Variants in CLEC4A observed in about 807,000 individuals in gnomAD.
CLEC4A encodes C-type lectin domain family 4 member A.
Under a neutral mutation model 32.7 loss-of-function variants are expected in CLEC4A, and 27 were observed. That is an observed-to-expected ratio of 0.83 (90% CI 0.61 to 1.14). CLEC4A has a LOEUF of 1.14. Ranked by LOEUF, CLEC4A falls within the 50% of genes most tolerant of loss-of-function variation. CLEC4A has a pLI of 0.00. For missense variants in CLEC4A, 253 were observed against 274.6 expected (o/e 0.92, Z 0.55); for synonymous variants, 89 against 93.7 (o/e 0.95, Z 0.29).
In CLEC4A at chr12:8,131,043, T is replaced by C. The variant is rs953861718; in HGVS notation, c.298+1681T>C. On this transcript the variant is annotated intron_variant, in intron 3 of 5. Transcript: ENST00000229332. ...TGAGCAATACTGGTCAGGTATATTA[T>C]AGAATGTCCATCTATCAGAATTTGT... Among the ~76,000 whole-genome samples the C allele has an allele frequency of 3.9e-5, 6 of 152,236 alleles. No homozygotes were observed. In the East Asian group the frequency reaches 7.7e-4, roughly 20 times the overall value.
At chr12:8,132,482 T>C (rs1200070210) in intron 3 of CLEC4A, among the ~76,000 whole-genome samples, 1 of 152,236 alleles carries the variant, frequency 6.6e-6, no homozygotes, top group African/African-American at 2.4e-5. Flanking sequence ...TAATTTCTGG[T>C]TTCTTTTCAC....
At chr12:8,125,412 C>T in intron 1 of CLEC4A, 149 bp from the exon 2 acceptor site, 3 of 554,816 alleles carry the variant, frequency 5.4e-6, no homozygotes, top group South Asian at 2.6e-5. Context: ...ATTATTATAT[C>T]CTTTCTATTC....
intron 2 of CLEC4A, among the ~76,000 whole-genome samples, chr12:8,127,909 G>A (rs1249465312): frequency 6.6e-6 from 1 of 152,172 alleles, no homozygotes; most frequent in Non-Finnish European, 1.5e-5. Flanking sequence ...GGTGATTTAA[G>A]TTTTGGGCAT....
At chr12:8,131,142 T>G (rs1022814730) in intron 3 of CLEC4A, among the ~76,000 whole-genome samples, 5 of 152,232 alleles carry the variant, frequency 3.3e-5, no homozygotes, top group Non-Finnish European at 5.9e-5. Context: ...AATGCTATTT[T>G]CATTACATCA....
chr12:8,135,532 C>T, intron 3 of CLEC4A, 53 bp from the exon 4 acceptor site: 1 of 1,585,928 alleles, frequency 6.3e-7, no homozygotes, highest in Non-Finnish European at 8.6e-7. Flanking sequence ...AATACACACA[C>T]TTTTAAGAGT....
upstream of CLEC4A, chr12:8,123,525 T>G (rs1947852011): frequency 5.6e-6 from 1 of 179,698 alleles, no homozygotes; most frequent in Non-Finnish European, 1.2e-5. Flanking sequence ...AAAAACGCAG[T>G]TCTCCAGAAA....
Position 8,138,334 on chromosome 12 carries a change from G to T in CLEC4A, c.*47G>T, listed in dbSNP as rs1391470479. On this transcript the variant is annotated 3_prime_UTR_variant, in exon 6 of 6. Coordinates refer to ENST00000229332, the MANE Select transcript of CLEC4A (RefSeq NM_016184.4). ...GGTGGTTGGATTGGTATCTGTCATT[G>T]TAGGGATAGATAATAAGCTCTTCTT... is the stretch of plus-strand genomic sequence containing the variant. 1.2e-6 allele frequency: 2 copies of T among 1,603,284 alleles called. No homozygotes were observed. The highest frequency in any genetic ancestry group is 2.2e-5 in the South Asian group (2 of 90,366).
intron 4 of CLEC4A, 69 bp downstream of exon 4, chr12:8,135,805 G>A (rs1815888067): frequency 1.3e-6 from 2 of 1,532,162 alleles, no homozygotes; most frequent in African/African-American, 2.8e-5. Context: ...GGCTAAGAAG[G>A]AGGTTTTTGT....
At chr12:8,130,455 C>T (rs1015388903) in intron 3 of CLEC4A, among the ~76,000 whole-genome samples, 3 of 152,176 alleles carry the variant, frequency 2.0e-5, no homozygotes, top group African/African-American at 4.8e-5. Context: ...TCACAGTAGC[C>T]TTGATCTCCT....
At chr12:8,127,520 T>C (rs769154746) in intron 2 of CLEC4A, among the ~76,000 whole-genome samples, 1 of 152,308 alleles carries the variant, frequency 6.6e-6, no homozygotes, top group Non-Finnish European at 1.5e-5. Context: ...GTCACAGTCA[T>C]AGAGAAAATT....
upstream of CLEC4A, among the ~76,000 whole-genome samples, chr12:8,122,557 G>T (rs1947842819): frequency 6.6e-6 from 1 of 152,116 alleles, no homozygotes; most frequent in African/African-American, 2.4e-5. Context: ...TTGGACTGGG[G>T]AGTCAGAGCC....
Position 8,135,439 on chromosome 12 carries a change from G to T in CLEC4A, c.299-146G>T, listed in dbSNP as rs1273635628. On this transcript the variant is annotated intron_variant, in intron 3 of 5. Coordinates refer to ENST00000229332, the MANE Select transcript of CLEC4A (RefSeq NM_016184.4). Reference sequence around the variant, plus strand: ...GGTAGACTTGGCTTCCTTGACACCTGAGGGGCAGGGGCTCCTGGTTGCATC... The same window carrying T: ...GGTAGACTTGGCTTCCTTGACACCTTAGGGGCAGGGGCTCCTGGTTGCATC... 6.2e-5 allele frequency: 44 copies of T among 707,060 alleles called. No individual in the cohort carries two copies. The East Asian group carries it at 1.2e-3, about 20-fold the overall frequency. 43.8% of individuals were successfully genotyped at this position (707,060 alleles called of 1,614,324 possible). A position where few individuals can be genotyped will look rare whatever the true frequency, so the allele number is the denominator to read the frequency against.
the CLEC4A span, among the ~76,000 whole-genome samples, chr12:8,117,619 T>C: frequency 6.6e-6 from 1 of 152,150 alleles, no homozygotes; most frequent in East Asian, 1.9e-4. Context: ...TATTTTGTCA[T>C]TGCATGGCAA....
At chr12:8,134,654 C>T (rs777196045) in intron 3 of CLEC4A, 4 of 1,594,914 alleles carry the variant, frequency 2.5e-6, no homozygotes, top group East Asian at 4.6e-5. Flanking sequence ...AGAACTCATA[C>T]GGCGGGGGAC....
Position 8,129,311 on chromosome 12 carries a change from G to A in CLEC4A, c.247G>A (p.Glu83Lys). The change falls in exon 3 of 6, where the codon GAG (glutamate) becomes AAG (lysine). Residue 83 changes from glutamate to lysine, a missense_variant. Coordinates refer to ENST00000229332, the MANE Select transcript of CLEC4A (RefSeq NM_016184.4). Reference sequence around the variant, plus strand: ...GCTTCTTGAAAAAAAGACTACAAAAGAGCTGGTTCATACAACATTGGAGTG... The same window carrying A: ...GCTTCTTGAAAAAAAGACTACAAAAAAGCTGGTTCATACAACATTGGAGTG... ...SQLLEKKTTK[E>K]LVHTTLECVK... 2.5e-6 allele frequency: 4 copies of A among 1,607,462 alleles called. No homozygotes were observed. Among genetic ancestry groups the A allele is most frequent in the Non-Finnish European group, 3.4e-6 (4 of 1,178,074 alleles).
the CLEC4A span, among the ~76,000 whole-genome samples, chr12:8,109,107 A>G: frequency 6.6e-6 from 1 of 152,126 alleles, no homozygotes. Flanking sequence ...TCAACAATCT[A>G]AGATAGGACG....
At chr12:8,129,996 C>T (rs1398197315) in intron 3 of CLEC4A, among the ~76,000 whole-genome samples, 5 of 152,096 alleles carry the variant, frequency 3.3e-5, no homozygotes, top group Non-Finnish European at 7.4e-5. Context: ...CCACTACACT[C>T]AGCTAATTTT....
chr12:8,112,922 T>C, the CLEC4A span, among the ~76,000 whole-genome samples: 32 of 152,356 alleles, frequency 2.1e-4, no homozygotes, highest in African/African-American at 5.8e-4. Flanking sequence ...CAAAAGAAGT[T>C]GAATGAATAA....
chr12:8,118,312 A>G, the CLEC4A span, among the ~76,000 whole-genome samples: 1 of 152,102 alleles, frequency 6.6e-6, no homozygotes, highest in East Asian at 1.9e-4. Flanking sequence ...ATGGAATATT[A>G]TTTGTCCATA....
Sources: allele counts gnomAD v4.1 joint callset (sites outside exome capture counted in the v4.1 genomes callset), GRCh38; gene constraint gnomAD v4.1.1; transcripts MANE v1.5; gene names NCBI Gene and HGNC (gene_info 2026-07-23, HGNC 2026-07-21).